GABRA2: variants seen among roughly 807,000 people sequenced by gnomAD.
The protein encoded by GABRA2 is gamma-aminobutyric acid receptor subunit alpha-2.
A neutral mutation model predicts 48.7 loss-of-function variants in GABRA2; 16 were observed. The observed-to-expected ratio is 0.33, with a 90% CI of 0.22 to 0.50. The LOEUF (loss-of-function observed/expected upper bound fraction) is 0.50. Among genes scored for constraint, GABRA2 ranks in the 20% least tolerant of loss-of-function variants. The probability of loss-of-function intolerance (pLI) is 0.98; values close to 1 mark genes in which losing one functional copy is unlikely to be tolerated. For synonymous variants in GABRA2, 185 were observed against 184.5 expected, an observed-to-expected ratio of 1.00 and a Z score of -0.02; for missense variants, 275 against 535.6, an observed-to-expected ratio of 0.51 and a Z score of 4.80.
intron 3 of GABRA2, among the ~76,000 whole-genome samples, chr4:46,361,283 G>A (rs772989174): frequency 6.6e-6 from 1 of 152,174 alleles, no homozygotes; most frequent in African/African-American, 2.4e-5. Context: ...GGGTCCCCCT[G>A]CTGTGTGCAG....
At chr4:46,383,156 A>T (rs1048841880) in intron 3 of GABRA2, among the ~76,000 whole-genome samples, 1 of 152,214 alleles carries the variant, frequency 6.6e-6, no homozygotes, top group Admixed American at 6.5e-5. Flanking sequence ...TTAACTGTCC[A>T]CTAAATGCCA....
intron 8 of GABRA2, among the ~76,000 whole-genome samples, chr4:46,290,749 A>G (rs1723469939): frequency 6.6e-6 from 1 of 152,188 alleles, no homozygotes; most frequent in Non-Finnish European, 1.5e-5. Flanking sequence ...AAAGGAAATT[A>G]ATGGGAGAGA....
intron 9 of GABRA2, chr4:46,256,431 T>A (rs1715851687): frequency 2.1e-6 from 1 of 470,242 alleles, no homozygotes; most frequent in South Asian, 4.2e-5. Flanking sequence ...AAATTTGACA[T>A]CACTTTCTAC....
rs1234238428 is a variant in GABRA2, at chr4:46,248,901, C to T, written c.*1407G>A. 6.6e-6 allele frequency: 1 copy of T among 151,358 alleles called. No homozygotes were observed. Among genetic ancestry groups the T allele is most frequent in the Non-Finnish European group, 1.5e-5 (1 of 67,638 alleles). The allele number at this position is 151,358 out of a possible 1,614,324, so 9.4% of individuals were successfully genotyped here. On this transcript the variant is annotated 3_prime_UTR_variant, in exon 10 of 10. Coordinates refer to ENST00000381620, the MANE Select transcript of GABRA2 (RefSeq NM_000807.4). ...AAACTTTGAATCTAGGCATAATACA[C>T]AATCTTTAACTTTTATTAGCATATT...
intron 8 of GABRA2, among the ~76,000 whole-genome samples, chr4:46,267,510 C>T (rs1718494799): frequency 6.6e-6 from 1 of 151,682 alleles, no homozygotes; most frequent in African/African-American, 2.4e-5. Flanking sequence ...TATAGCTTCT[C>T]TTTATTTTGG....
chr4:46,379,172 A>C (rs572807676), intron 3 of GABRA2, among the ~76,000 whole-genome samples: 2 of 152,310 alleles, frequency 1.3e-5, no homozygotes, highest in East Asian at 3.9e-4. Flanking sequence ...AAATATTAAA[A>C]AGCGTCACAA....
chr4:46,348,572 ACAC>A (rs1734565995), intron 3 of GABRA2, among the ~76,000 whole-genome samples: 1 of 152,078 alleles, frequency 6.6e-6, no homozygotes, highest in South Asian at 2.1e-4. Context: ...TGGCACATAT[ACAC>A]CATGGAATAC....
At chr4:46,256,163 T>A (rs1169013931) in intron 9 of GABRA2, 1 of 605,260 alleles carries the variant, frequency 1.7e-6, no homozygotes. Flanking sequence ...AACTGTCTAC[T>A]AATCATCCTG....
intron 3 of GABRA2, among the ~76,000 whole-genome samples, chr4:46,352,850 G>A (rs1421776095): frequency 6.6e-6 from 1 of 152,070 alleles, no homozygotes; most frequent in Non-Finnish European, 1.5e-5. Flanking sequence ...ACAATGTAAT[G>A]GGAGGTGAAA....
In GABRA2 at chr4:46,389,944, G is replaced by T. The variant is rs1232487851; in HGVS notation, c.-220C>A. 8 of 988,512 alleles carry T rather than the reference G, an allele frequency of 8.1e-6. No homozygotes were observed. Among genetic ancestry groups the T allele is most frequent in the Admixed American group, 6.2e-5 (1 of 16,234 alleles). 61.2% of individuals were successfully genotyped at this position (988,512 alleles called of 1,614,324 possible). On this transcript the variant is annotated 5_prime_UTR_variant, in exon 1 of 10. Transcript: ENST00000381620. ...GAGCGCTAGGAGCCGCGGCGGCGGC[G>T]CGAGGTGTAGAAGGAGGCGAAGGCG...
At chr4:46,260,105 A>G (rs1410595650) in intron 9 of GABRA2, among the ~76,000 whole-genome samples, 4 of 151,886 alleles carry the variant, frequency 2.6e-5, no homozygotes, top group African/African-American at 9.7e-5. Context: ...ATTTAAGATC[A>G]CAAACTCATT....
intron 3 of GABRA2, among the ~76,000 whole-genome samples, chr4:46,340,639 T>C (rs1292287202): frequency 6.6e-6 from 1 of 152,012 alleles, no homozygotes; most frequent in Non-Finnish European, 1.5e-5. Flanking sequence ...CAACTTGGCA[T>C]TCCTGGCATA....
chr4:46,269,794 T>C (rs1718943113), intron 8 of GABRA2, among the ~76,000 whole-genome samples: 1 of 151,924 alleles, frequency 6.6e-6, no homozygotes, highest in South Asian at 2.1e-4. Flanking sequence ...TGATACAATT[T>C]AATATGGTAA....
chr4:46,289,046 CA>C (rs553580960), intron 8 of GABRA2, among the ~76,000 whole-genome samples: 110 of 148,638 alleles, frequency 7.4e-4, no homozygotes, highest in South Asian at 2.2e-3. Context: ...ATTAAAAAGA[CA>C]AAAAAAAACA....
Position 46,244,632 on chromosome 4 carries a change from G to A in GABRA2, c.*5676C>T, listed in dbSNP as rs971058451. On this transcript the variant is annotated 3_prime_UTR_variant, in exon 10 of 10. Coordinates refer to ENST00000381620, the MANE Select transcript of GABRA2 (RefSeq NM_000807.4). ...CCAATGGGATTAAATGTTATGAAAC[G>A]AACAATATGACAAATGAAAACACAT... is the stretch of plus-strand genomic sequence containing the variant. Among the ~76,000 whole-genome samples, 6 of 151,216 alleles carry A rather than the reference G, an allele frequency of 4.0e-5. No homozygotes were observed. The highest frequency in any genetic ancestry group is 4.2e-4 in the South Asian group (2 of 4,816).
chr4:46,370,161 C>G (rs565421247), intron 3 of GABRA2, among the ~76,000 whole-genome samples: 1 of 151,268 alleles, frequency 6.6e-6, no homozygotes, highest in Non-Finnish European at 1.5e-5. Flanking sequence ...GAAAGGAGTT[C>G]ATGTGAGCAA....
At chr4:46,261,542 A>G (rs1399399173) in intron 9 of GABRA2, 7 of 285,770 alleles carry the variant, frequency 2.4e-5, no homozygotes, top group Non-Finnish European at 4.6e-5. Flanking sequence ...TCGGAGTTCA[A>G]GTATACTTAC....
chr4:46,269,302 A>G (rs772676811), intron 8 of GABRA2, among the ~76,000 whole-genome samples: 4 of 151,802 alleles, frequency 2.6e-5, no homozygotes, highest in African/African-American at 4.8e-5. Context: ...TGTAATCTAT[A>G]TGTATATATA....
intron 8 of GABRA2, among the ~76,000 whole-genome samples, chr4:46,282,564 C>T (rs1174369200): frequency 1.3e-5 from 2 of 152,130 alleles, no homozygotes; most frequent in African/African-American, 4.8e-5. Context: ...TTCTGAAATT[C>T]CCTTCAAACA....
Sources: allele counts gnomAD v4.1 joint callset (sites outside exome capture counted in the v4.1 genomes callset), GRCh38; gene constraint gnomAD v4.1.1; transcripts MANE v1.5; gene names NCBI Gene and HGNC (gene_info 2026-07-23, HGNC 2026-07-21).